The following PDE3A variants were observed in gnomAD, a reference collection of about 807,000 sequenced individuals.
PDE3A encodes cGMP-inhibited 3',5'-cyclic phosphodiesterase 3A.
A neutral mutation model predicts 98.3 loss-of-function variants in PDE3A; 43 were observed. That is an observed-to-expected ratio of 0.44 (90% CI 0.34 to 0.56). The LOEUF is 0.56. Ranked by LOEUF, PDE3A falls within the 20% of genes least tolerant of loss-of-function variation. PDE3A has a pLI of 0.01. For missense variants in PDE3A, 1,427 were observed against 1,440.7 expected, an observed-to-expected ratio of 0.99 and a Z score of 0.15; for synonymous variants, 663 against 567.9, an observed-to-expected ratio of 1.17 and a Z score of -2.38.
intron 1 of PDE3A, among the ~76,000 whole-genome samples, chr12:20,385,504 G>T (rs191893608): frequency 3.3e-5 from 5 of 151,996 alleles, no homozygotes; most frequent in Admixed American, 2.6e-4. Flanking sequence ...GTTTATTGCG[G>T]CACTATTCAC....
At chr12:20,454,731 A>AT (rs1437291782) in intron 1 of PDE3A, among the ~76,000 whole-genome samples, 2 of 151,880 alleles carry the variant, frequency 1.3e-5, no homozygotes, top group African/African-American at 4.8e-5. Context: ...GTGGTATTTG[A>AT]TTTTATGTTC....
At chr12:20,641,906 A>T (rs1387799438) in intron 10 of PDE3A, among the ~76,000 whole-genome samples, 1 of 152,130 alleles carries the variant, frequency 6.6e-6, no homozygotes, top group Non-Finnish European at 1.5e-5. Flanking sequence ...ATCTTCTCAT[A>T]GGAAAGCTCT....
rs568049903 is a variant in PDE3A, at chr12:20,389,856, T to G, written c.960+19612T>G. 4.6e-5 allele frequency among the ~76,000 whole-genome samples: 7 copies of G among 152,116 alleles called. No individual in the cohort carries two copies. The East Asian group carries it at 1.4e-3, about 30-fold the overall frequency. ...GTCTTTTCTGACTTTTCCTTTTGAT[T>G]TATGTTTTACATTCTCACGTGTTTA... On this transcript the variant is annotated intron_variant, in intron 1 of 15. Coordinates refer to ENST00000359062, the MANE Select transcript of PDE3A (RefSeq NM_000921.5).
At chr12:20,576,003 A>G (rs945065161) in intron 2 of PDE3A, among the ~76,000 whole-genome samples, 1 of 151,996 alleles carries the variant, frequency 6.6e-6, no homozygotes, top group African/African-American at 2.4e-5. Context: ...TAAAAAATTG[A>G]TTAATTTTTG....
chr12:20,555,248 A>G (rs1002864456), intron 1 of PDE3A, among the ~76,000 whole-genome samples: 1 of 152,184 alleles, frequency 6.6e-6, no homozygotes. Context: ...TCCTCACCAC[A>G]GGAAATCCGC....
rs73233988 is a variant in PDE3A at position 20,594,457 on chromosome 12, T to C, written c.1012-18986T>C. Among the ~76,000 whole-genome samples the C allele has an allele frequency of 5.2e-3, 797 of 152,090 alleles. 11 individuals carry two copies. The highest frequency in any genetic ancestry group is 0.018 in the African/African-American group (758 of 41,498). ...GCCGAATTAAAGTCCTCAATAAAGA[T>C]TGGATAGCTTATTTTTGTATATTTT... is the stretch of plus-strand genomic sequence containing the variant. On this transcript the variant is annotated intron_variant, in intron 2 of 15. Coordinates refer to ENST00000359062, the MANE Select transcript of PDE3A (RefSeq NM_000921.5).
intron 4 of PDE3A, among the ~76,000 whole-genome samples, chr12:20,617,441 T>C (rs1944032715): frequency 1.3e-5 from 2 of 152,106 alleles, no homozygotes; most frequent in Admixed American, 1.3e-4. Context: ...ACCTGGACTT[T>C]TGTAAAACTT....
intron 1 of PDE3A, among the ~76,000 whole-genome samples, chr12:20,438,827 T>C (rs552046097): frequency 6.6e-6 from 1 of 152,078 alleles, no homozygotes; most frequent in South Asian, 2.1e-4. Flanking sequence ...TGGCATGATA[T>C]TGGCTCACTG....
At chr12:20,679,831 C>A (rs990898121) in intron 15 of PDE3A, among the ~76,000 whole-genome samples, 199 bp from the exon 16 acceptor site, 10 of 149,274 alleles carry the variant, frequency 6.7e-5, no homozygotes. Flanking sequence ...TCTTTTTTCC[C>A]CATTCTCCAA....
At chr12:20,626,736 G>T (rs1321034237) in intron 5 of PDE3A, among the ~76,000 whole-genome samples, 1 of 152,132 alleles carries the variant, frequency 6.6e-6, no homozygotes, top group Admixed American at 6.5e-5. Flanking sequence ...GACCTCAAGT[G>T]ATCTGCCCTC....
At chr12:20,393,686 G>C (rs1051859175) in intron 1 of PDE3A, among the ~76,000 whole-genome samples, 7 of 151,940 alleles carry the variant, frequency 4.6e-5, no homozygotes, top group African/African-American at 1.7e-4. Flanking sequence ...GAAAAGGAAG[G>C]CTTGAGATTT....
chr12:20,535,103 T>C (rs1047768128), intron 1 of PDE3A, among the ~76,000 whole-genome samples: 1 of 152,190 alleles, frequency 6.6e-6, no homozygotes, highest in Non-Finnish European at 1.5e-5. Context: ...TTCTGAAATA[T>C]AGACATGTTC....
chr12:20,427,379 T>C (rs1591920441), intron 1 of PDE3A, among the ~76,000 whole-genome samples: 1 of 152,220 alleles, frequency 6.6e-6, no homozygotes, highest in Non-Finnish European at 1.5e-5. Context: ...AGTGTATTAA[T>C]GGGAAATAGA....
At chr12:20,630,239 C>A in intron 6 of PDE3A, 112 bp downstream of exon 6, 1 of 724,416 alleles carries the variant, frequency 1.4e-6, no homozygotes. Flanking sequence ...AAGTATTAGA[C>A]AACCAAGTAT....
chr12:20,370,923 T>C (rs1057114452), intron 1 of PDE3A, among the ~76,000 whole-genome samples: 3 of 152,234 alleles, frequency 2.0e-5, no homozygotes, highest in African/African-American at 7.2e-5. Flanking sequence ...GGGAATAATA[T>C]GTCTGAACTT....
rs1368116613 is a variant in PDE3A at position 20,422,629 on chromosome 12, C to G, written c.960+52385C>G. On this transcript the variant is annotated intron_variant, in intron 1 of 15. Transcript: ENST00000359062. ...CATAATTTAAAAAGACATATTTCCA[C>G]CAAAGTCACATTCTAAAATGTATAC... is the stretch of plus-strand genomic sequence containing the variant. Among the ~76,000 whole-genome samples, 4 of 152,134 alleles carry G rather than the reference C, an allele frequency of 2.6e-5. No individual in the cohort carries two copies. In the East Asian group the frequency reaches 7.7e-4, roughly 29 times the overall value.
At chr12:20,372,032 A>G (rs1353631065) in intron 1 of PDE3A, among the ~76,000 whole-genome samples, 1 of 152,150 alleles carries the variant, frequency 6.6e-6, no homozygotes, top group Non-Finnish European at 1.5e-5. Flanking sequence ...ATTTTTTAAA[A>G]TTTTATATTA....
chr12:20,582,072 T>G lies in PDE3A; in HGVS notation c.1011+25362T>G, dbSNP rs183769665. Among the ~76,000 whole-genome samples, 622 of 152,332 alleles carry G rather than the reference T, an allele frequency of 4.1e-3. 1 individual carries two copies. Among genetic ancestry groups the G allele is most frequent in the Non-Finnish European group, 6.4e-3 (432 of 68,028 alleles). ...AATTTTCCAAACTCTTAGCAAGTTT[T>G]TGTTTTCTGATTCAGATTCCTCTAA... is the stretch of plus-strand genomic sequence containing the variant. On this transcript the variant is annotated intron_variant, in intron 2 of 15. Coordinates refer to ENST00000359062, the MANE Select transcript of PDE3A (RefSeq NM_000921.5).
intron 1 of PDE3A, among the ~76,000 whole-genome samples, chr12:20,517,001 C>T (rs193008230): frequency 1.3e-5 from 2 of 152,214 alleles, no homozygotes; most frequent in Admixed American, 1.3e-4. Flanking sequence ...GAAAAAGAGC[C>T]CCAGGAGAGC....
Sources: gnomAD v4.1 joint callset for allele counts (sites outside exome capture counted in the v4.1 genomes callset) on GRCh38, gnomAD v4.1.1 for gene constraint, MANE v1.5 for transcripts, NCBI Gene and HGNC (gene_info 2026-07-23, HGNC 2026-07-21) for gene names.